SLIT3: variants seen among roughly 807,000 people sequenced by gnomAD.
The protein encoded by SLIT3 is slit homolog 3 protein.
A neutral mutation model predicts 184.0 loss-of-function variants in SLIT3; 68 were observed. The ratio of observed to expected loss-of-function variants is 0.37; its 90% CI spans 0.30 to 0.45. The LOEUF (loss-of-function observed/expected upper bound fraction) is 0.45, where lower values mean the gene tolerates loss of function less well. Among genes scored for constraint, SLIT3 ranks in the 20% least tolerant of loss-of-function variants. The probability of loss-of-function intolerance (pLI) is 1.00; values close to 1 mark genes in which losing one functional copy is unlikely to be tolerated. For synonymous variants in SLIT3, 831 were observed against 828.6 expected, an observed-to-expected ratio of 1.00 and a Z score of -0.05; for missense variants, 1,707 against 2,026.0, an observed-to-expected ratio of 0.84 and a Z score of 3.02.
At chr5:169,017,670 G>A (rs1184933970) in intron 4 of SLIT3, among the ~76,000 whole-genome samples, 1 of 152,214 alleles carries the variant, frequency 6.6e-6, no homozygotes, top group Non-Finnish European at 1.5e-5. Context: ...GGATGACCTT[G>A]AAGGTGCATG....
At chr5:168,812,536 A>C (rs1170087815) in intron 8 of SLIT3, among the ~76,000 whole-genome samples, 1 of 152,252 alleles carries the variant, frequency 6.6e-6, no homozygotes, top group African/African-American at 2.4e-5. Context: ...CTGAACAACA[A>C]CAAAAAAACC....
At chr5:168,927,719 G>A (rs962351355) in intron 4 of SLIT3, among the ~76,000 whole-genome samples, 14 of 152,122 alleles carry the variant, frequency 9.2e-5, no homozygotes, top group Admixed American at 2.6e-4. Context: ...CAGGGCCCCC[G>A]CCCTTACCAT....
At chr5:168,776,804 G>C (rs1344681006) in intron 12 of SLIT3, among the ~76,000 whole-genome samples, 1 of 152,124 alleles carries the variant, frequency 6.6e-6, no homozygotes, top group African/African-American at 2.4e-5. Context: ...CCAGGGCTCA[G>C]GAATGGACCC....
intron 4 of SLIT3, among the ~76,000 whole-genome samples, chr5:168,950,834 A>G (rs1008779812): frequency 9.2e-5 from 14 of 152,226 alleles, no homozygotes; most frequent in Non-Finnish European, 1.9e-4. Flanking sequence ...CCAGTATATA[A>G]ATGATTTATC....
At chr5:168,886,875 CA>C (rs966454284) in intron 4 of SLIT3, among the ~76,000 whole-genome samples, 4 of 152,048 alleles carry the variant, frequency 2.6e-5, no homozygotes, top group Admixed American at 2.0e-4. Flanking sequence ...TTATTCCATC[CA>C]AAAACACAAG....
intron 4 of SLIT3, among the ~76,000 whole-genome samples, chr5:168,885,950 A>G (rs1032665952): frequency 1.3e-5 from 2 of 152,204 alleles, no homozygotes; most frequent in African/African-American, 4.8e-5. Context: ...CACACAGGCA[A>G]AATCCTGCAC....
At chr5:168,697,530 A>G (rs1017614768) in intron 27 of SLIT3, among the ~76,000 whole-genome samples, 3 of 152,170 alleles carry the variant, frequency 2.0e-5, no homozygotes, top group Non-Finnish European at 4.4e-5. Context: ...CACTCCATCT[A>G]TGAGTGTGCG....
At chr5:168,814,723 C>T (rs1757275211) in intron 8 of SLIT3, among the ~76,000 whole-genome samples, 1 of 152,202 alleles carries the variant, frequency 6.6e-6, no homozygotes, top group African/African-American at 2.4e-5. Context: ...GCAAAAGGTA[C>T]AAAAGTATTC....
chr5:169,045,537 C>G (rs75170917), intron 4 of SLIT3, among the ~76,000 whole-genome samples: 1 of 151,842 alleles, frequency 6.6e-6, no homozygotes, highest in Non-Finnish European at 1.5e-5. Flanking sequence ...GCCTGACACA[C>G]GGTAGGTATT....
At chr5:168,731,914 A>C (rs1263694618) in intron 20 of SLIT3, among the ~76,000 whole-genome samples, 1 of 152,054 alleles carries the variant, frequency 6.6e-6, no homozygotes, top group Non-Finnish European at 1.5e-5. Flanking sequence ...CACTTTGACC[A>C]CTCTTATTCA....
intron 4 of SLIT3, among the ~76,000 whole-genome samples, chr5:169,029,603 TTTTG>T (rs919897118): frequency 3.9e-5 from 6 of 152,242 alleles, no homozygotes; most frequent in Admixed American, 1.3e-4. Context: ...AGAATACATT[TTTTG>T]TTTGTTTGTT....
At chr5:169,185,187 A>G (rs995973279) in intron 4 of SLIT3, among the ~76,000 whole-genome samples, 1 of 152,220 alleles carries the variant, frequency 6.6e-6, no homozygotes. Flanking sequence ...TCTGGAATTG[A>G]TGACATGTGC....
At chr5:169,044,097 C>T (rs2113032414) in intron 4 of SLIT3, among the ~76,000 whole-genome samples, 1 of 152,336 alleles carries the variant, frequency 6.6e-6, no homozygotes, top group African/African-American at 2.4e-5. Flanking sequence ...CACCACCTCA[C>T]ACCCACCAGG....
Position 168,664,943 on chromosome 5 carries a change from G to C in SLIT3, c.*1511C>G, listed in dbSNP as rs1760987838. 6.6e-6 allele frequency: 1 copy of C among 152,270 alleles called. No individual in the cohort carries two copies. The highest frequency in any genetic ancestry group is 1.5e-5 in the Non-Finnish European group (1 of 68,080). 9.4% of individuals were successfully genotyped at this position (152,270 alleles called of 1,614,324 possible). On this transcript the variant is annotated 3_prime_UTR_variant, in exon 36 of 36. Coordinates refer to ENST00000519560, the MANE Select transcript of SLIT3 (RefSeq NM_003062.4). ...AGCCCTGGTCTCCAGAATCTTTCCAGATACTGCGGAGGGAGAAGGAGTGAG... is the reference window on the plus strand; with the variant it reads ...AGCCCTGGTCTCCAGAATCTTTCCACATACTGCGGAGGGAGAAGGAGTGAG...
intron 4 of SLIT3, among the ~76,000 whole-genome samples, chr5:168,955,949 A>AT (rs1449730081): frequency 9.9e-5 from 15 of 152,154 alleles, no homozygotes; most frequent in Non-Finnish European, 2.1e-4. Context: ...GTGCTAAAAG[A>AT]TGGAGACCAG....
intron 4 of SLIT3, among the ~76,000 whole-genome samples, chr5:168,897,112 G>C (rs4547943): frequency 0.86 from 130,664 of 152,204 alleles, 57,956 homozygotes; most frequent in Non-Finnish European, 0.96. Flanking sequence ...TTTCAATGAA[G>C]CATCATCATT....
At chr5:169,020,128 A>G (rs575695271) in intron 4 of SLIT3, among the ~76,000 whole-genome samples, 8 of 147,468 alleles carry the variant, frequency 5.4e-5, no homozygotes, top group Non-Finnish European at 1.2e-4. Context: ...TAAGAGAGAA[A>G]CAGTATGACC....
chr5:168,867,680 T>A (rs1377985645), intron 5 of SLIT3, among the ~76,000 whole-genome samples: 5 of 152,204 alleles, frequency 3.3e-5, no homozygotes, highest in African/African-American at 1.2e-4. Flanking sequence ...CCATGTGAGT[T>A]GGTTTTGGGA....
At chr5:169,105,554 C>T (rs564919603) in intron 4 of SLIT3, among the ~76,000 whole-genome samples, 16 of 152,306 alleles carry the variant, frequency 1.1e-4, no homozygotes, top group African/African-American at 3.6e-4. Context: ...GCTTCAAGGG[C>T]ATCAGGCCTG....
Sources: allele counts gnomAD v4.1 joint callset (sites outside exome capture counted in the v4.1 genomes callset), GRCh38; gene constraint gnomAD v4.1.1; transcripts MANE v1.5; gene names NCBI Gene and HGNC (gene_info 2026-07-23, HGNC 2026-07-21).